TRIM24: variants seen among roughly 807,000 people sequenced by gnomAD.
TRIM24 encodes the protein tripartite motif containing 24, also known as transcription intermediary factor 1-alpha.
In TRIM24, 29 loss-of-function variants were observed where a neutral mutation model predicts 123.9. That is an observed-to-expected ratio of 0.23 (90% CI 0.17 to 0.32). The LOEUF is 0.32. TRIM24 is among the 10% of genes least tolerant of loss of function. The pLI is 1.00. For missense variants in TRIM24, 932 were observed against 1,295.3 expected, an observed-to-expected ratio of 0.72 and a Z score of 4.31; for synonymous variants, 456 against 461.1, an observed-to-expected ratio of 0.99 and a Z score of 0.14.
chr7:138,538,576 C>G lies in TRIM24; in HGVS notation c.997-81C>G, dbSNP rs530512584. ...TGAGTAATTAGAGATTGTAGTTATTCTAATTTGTTTACCTGGAAATGACCA... is the reference window on the plus strand; with the variant it reads ...TGAGTAATTAGAGATTGTAGTTATTGTAATTTGTTTACCTGGAAATGACCA... On this transcript the variant is annotated intron_variant, in intron 6 of 18. Transcript: ENST00000343526. 97 of 1,415,836 alleles carry G rather than the reference C, an allele frequency of 6.9e-5. No homozygotes were observed. The African/African-American group carries it at 1.2e-3, about 18-fold the overall frequency. 87.7% of individuals were successfully genotyped at this position (1,415,836 alleles called of 1,614,324 possible).
chr7:138,559,276 G>A (rs1797377314), intron 9 of TRIM24, among the ~76,000 whole-genome samples: 1 of 152,084 alleles, frequency 6.6e-6, no homozygotes, highest in South Asian at 2.1e-4. Context: ...CCCCGACCGC[G>A]TAGTATGTAT....
chr7:138,535,903 C>A (rs910586728), intron 6 of TRIM24, among the ~76,000 whole-genome samples: 1 of 152,098 alleles, frequency 6.6e-6, no homozygotes, highest in African/African-American at 2.4e-5. Flanking sequence ...TTCTTGGTGG[C>A]TTTGTTCGTT....
intron 1 of TRIM24, among the ~76,000 whole-genome samples, chr7:138,466,661 G>A (rs780982257): frequency 2.6e-4 from 39 of 151,752 alleles, no homozygotes; most frequent in Middle Eastern, 3.2e-3. Flanking sequence ...CTGGGAGTTT[G>A]CCTTTTTATT....
At chr7:138,567,372 G>T in intron 9 of TRIM24, 109 bp from the exon 10 acceptor site, 79 of 830,100 alleles carry the variant, frequency 9.5e-5, no homozygotes, top group East Asian at 2.4e-4. Flanking sequence ...ATAATTGATT[G>T]ATCTGTGGCA....
chr7:138,514,929 G>C (rs1210876815), intron 2 of TRIM24: 1 of 266,394 alleles, frequency 3.8e-6, no homozygotes, highest in Non-Finnish European at 7.2e-6. Flanking sequence ...TGCTTTTCCT[G>C]ACTGTTCTGT....
intron 9 of TRIM24, among the ~76,000 whole-genome samples, chr7:138,565,452 AG>A (rs1797516891): frequency 6.6e-6 from 1 of 152,138 alleles, no homozygotes; most frequent in Non-Finnish European, 1.5e-5. Flanking sequence ...TTGTGCTGTC[AG>A]GTAGGGTCAA....
In TRIM24 at chr7:138,523,420, T is replaced by C. The variant is rs199741385; in HGVS notation, c.765-1821T>C. Among the ~76,000 whole-genome samples the C allele has an allele frequency of 9.2e-5, 14 of 152,266 alleles. No individual in the cohort carries two copies. In the East Asian group the frequency reaches 2.5e-3, roughly 27 times the overall value. On this transcript the variant is annotated intron_variant, in intron 4 of 18. Coordinates refer to ENST00000343526, the MANE Select transcript of TRIM24 (RefSeq NM_015905.3). ...ACCTTCCCACAAAGAAAATTACACA[T>C]GCAAATGACACAGATGAATGTACCA...
rs1401831725 is a variant in TRIM24, at chr7:138,583,912, A to G, written c.2856A>G (p.Leu952=). The stretch of plus-strand genomic sequence containing the variant: ...ATTTGTCAACCATCAAGAAAAGACT[A>G]CAAGAAGATTATTCCATGTACTCAA... The part of the protein sequence containing the change: ...PMDLSTIKKR[L]QEDYSMYSKP... Residue 952 remains leucine, a synonymous_variant, in exon 18 of 19, where the codon CTA becomes CTG. Transcript: ENST00000343526. 3.7e-6 allele frequency: 6 copies of G among 1,604,114 alleles called. No homozygotes were observed. The highest frequency in any genetic ancestry group is 5.1e-6 in the Non-Finnish European group (6 of 1,176,300).
rs575037777 is a variant in TRIM24, at chr7:138,558,577, T to C, written c.1530+3611T>C. On this transcript the variant is annotated intron_variant, in intron 9 of 18. Transcript: ENST00000343526. ...TCAGCCAGTTGGGCAAACAGGTTGC[T>C]GGCCAAGGGAGAGGATTCAGGCAAC... Among the ~76,000 whole-genome samples, 259 of 152,308 alleles carry C rather than the reference T, an allele frequency of 1.7e-3. 3 individuals are homozygous for C. Among genetic ancestry groups the C allele is most frequent in the Non-Finnish European group, 3.3e-3 (224 of 68,024 alleles).
intron 14 of TRIM24, among the ~76,000 whole-genome samples, chr7:138,578,662 A>G (rs1797824814): frequency 1.3e-5 from 2 of 152,162 alleles, no homozygotes; most frequent in South Asian, 4.1e-4. Context: ...ATGTATTGCA[A>G]TTTTTAACAA....
At chr7:138,464,901 C>T (rs546082091) in intron 1 of TRIM24, among the ~76,000 whole-genome samples, 1 of 152,266 alleles carries the variant, frequency 6.6e-6, no homozygotes, top group East Asian at 1.9e-4. Context: ...AATACAGTTA[C>T]ACTCTAGAAT....
chr7:138,558,820 G>A (rs1276118688), intron 9 of TRIM24, among the ~76,000 whole-genome samples: 2 of 152,190 alleles, frequency 1.3e-5, no homozygotes, highest in African/African-American at 2.4e-5. Flanking sequence ...TTATGAGTTG[G>A]TTTTTCCAGT....
At position 138,469,779 on chromosome 7, in the gene TRIM24, A is replaced by G. The variant is rs569700238; in HGVS notation, c.364+8867A>G. Among the ~76,000 whole-genome samples the G allele has an allele frequency of 3.3e-5, 5 of 152,328 alleles. No individual in the cohort carries two copies. The East Asian group carries it at 9.6e-4, about 29-fold the overall frequency. The stretch of plus-strand genomic sequence containing the variant: ...CTTTTCAGAAATTGAGCTTTAAAGT[A>G]CTTGATATATAGTTTGTCACAGTCA... On this transcript the variant is annotated intron_variant, in intron 1 of 18. Coordinates refer to ENST00000343526, the MANE Select transcript of TRIM24 (RefSeq NM_015905.3).
intron 1 of TRIM24, among the ~76,000 whole-genome samples, chr7:138,465,871 C>T (rs952443504): frequency 1.3e-5 from 2 of 152,180 alleles, no homozygotes; most frequent in African/African-American, 2.4e-5. Context: ...GAGGAAATAA[C>T]TTAGAATTGG....
Position 138,585,389 on chromosome 7 carries a change from C to T in TRIM24, c.*438C>T, listed in dbSNP as rs535982662. The T allele has an allele frequency of 5.1e-4, 117 of 230,846 alleles. No homozygotes were observed. Among genetic ancestry groups the T allele is most frequent in the African/African-American group, 2.4e-3 (106 of 43,810 alleles). The allele number at this position is 230,846 out of a possible 1,614,324, so 14.3% of individuals were successfully genotyped here. A position where few individuals can be genotyped will look rare whatever the true frequency, so the allele number is the denominator to read the frequency against. On this transcript the variant is annotated 3_prime_UTR_variant, in exon 19 of 19. Coordinates refer to ENST00000343526, the MANE Select transcript of TRIM24 (RefSeq NM_015905.3). Reference sequence around the variant, plus strand: ...AGCTTTAGAAATTAATACCACTACCCGTGAATTATATGGCCTGACAATATG... The same window carrying T: ...AGCTTTAGAAATTAATACCACTACCTGTGAATTATATGGCCTGACAATATG...
intron 1 of TRIM24, among the ~76,000 whole-genome samples, chr7:138,469,322 C>T (rs1482467500): frequency 6.6e-6 from 1 of 151,668 alleles, no homozygotes; most frequent in Non-Finnish European, 1.5e-5. Context: ...AACCTTGACC[C>T]CTTTCTCAAT....
Position 138,585,999 on chromosome 7 carries a change from A to ATTT in TRIM24, c.*1058_*1060dup. 1 of 372,236 alleles carries ATTT rather than the reference A, an allele frequency of 2.7e-6. No individual in the cohort carries two copies. The allele number at this position is 372,236 out of a possible 1,614,324, so 23.1% of individuals were successfully genotyped here. On this transcript the variant is annotated 3_prime_UTR_variant, in exon 19 of 19. Transcript: ENST00000343526. ...AGGCAGCTGGGGGGAATTAATAGTG[A>ATTT]TTTTTTTTTTTTCCTGAAGCATCTA...
At chr7:138,510,692 G>A (rs2116545238) in intron 2 of TRIM24, among the ~76,000 whole-genome samples, 1 of 152,308 alleles carries the variant, frequency 6.6e-6, no homozygotes, top group South Asian at 2.1e-4. Context: ...AAAGTGCTAA[G>A]ATTACAGATG....
At chr7:138,525,707 A>C (rs1179105439) in intron 5 of TRIM24, among the ~76,000 whole-genome samples, 1 of 152,148 alleles carries the variant, frequency 6.6e-6, no homozygotes, top group Non-Finnish European at 1.5e-5. Flanking sequence ...TAAACCCTTA[A>C]TTGTTATTTT....
Sources: gnomAD v4.1 joint callset for allele counts (sites outside exome capture counted in the v4.1 genomes callset) on GRCh38, gnomAD v4.1.1 for gene constraint, MANE v1.5 for transcripts, NCBI Gene and HGNC (gene_info 2026-07-23, HGNC 2026-07-21) for gene names.